MAP2K3: variants seen among roughly 807,000 people sequenced by gnomAD.
The protein encoded by MAP2K3 is dual specificity mitogen-activated protein kinase kinase 3.
Under a neutral mutation model 46.4 loss-of-function variants are expected in MAP2K3, and 30 were observed. The observed-to-expected ratio is 0.65, with a 90% CI of 0.48 to 0.88. The LOEUF is 0.88. MAP2K3 is among the 40% of genes least tolerant of loss of function. MAP2K3 has a pLI of 0.00. For synonymous variants in MAP2K3, 189 were observed against 176.3 expected, an observed-to-expected ratio of 1.07 and a Z score of -0.57; for missense variants, 380 against 464.5, an observed-to-expected ratio of 0.82 and a Z score of 1.67.
chr17:21,285,094 G>GA, intron 1 of MAP2K3, 125 bp downstream of exon 1: 1 of 1,385,114 alleles, frequency 7.2e-7, no homozygotes, highest in Non-Finnish European at 9.7e-7. Context: ...TCCGGTCCCG[G>GA]AACCCCTTCC....
At chr17:21,291,613 A>G (rs943791677) in intron 1 of MAP2K3, 3 of 456,266 alleles carry the variant, frequency 6.6e-6, no homozygotes, top group Non-Finnish European at 1.3e-5. Context: ...CTGCCCTGTC[A>G]TGGCCTCTTA....
chr17:21,295,257 A>G (rs1976174075), intron 1 of MAP2K3, among the ~76,000 whole-genome samples: 1 of 152,306 alleles, frequency 6.6e-6, no homozygotes, highest in Non-Finnish European at 1.5e-5. Context: ...TGCCACGGCC[A>G]GTGAGAGTTG....
chr17:21,301,108 G>A, intron 5 of MAP2K3, 115 bp downstream of exon 5: 2 of 1,557,922 alleles, frequency 1.3e-6, no homozygotes, highest in East Asian at 4.5e-5. Flanking sequence ...CTGGCATACT[G>A]GCAGGAGGCT....
chr17:21,295,849 G>C (rs1409124772), intron 1 of MAP2K3: 3 of 1,289,012 alleles, frequency 2.3e-6, no homozygotes, highest in Non-Finnish European at 3.0e-6. Context: ...TGGGTGGCAG[G>C]CTGGGGCCAG....
At chr17:21,300,767 T>G in intron 4 of MAP2K3, 107 bp from the exon 5 acceptor site, 1 of 1,609,118 alleles carries the variant, frequency 6.2e-7, no homozygotes, top group Non-Finnish European at 8.5e-7. Flanking sequence ...GGCTAGGCTT[T>G]TTGGGGCACA....
chr17:21,295,509 C>G, intron 1 of MAP2K3: 2 of 946,912 alleles, frequency 2.1e-6, no homozygotes, highest in Non-Finnish European at 2.5e-6. Flanking sequence ...TGCACCTGGG[C>G]AGCCCTGGGC....
chr17:21,294,371 G>A (rs1467632967), intron 1 of MAP2K3, among the ~76,000 whole-genome samples: 4 of 152,312 alleles, frequency 2.6e-5, no homozygotes, highest in African/African-American at 4.8e-5. Flanking sequence ...GCTCCTGCAT[G>A]TGGCATGGTG....
In MAP2K3 at chr17:21,314,181, A is replaced by G. The variant is rs1977297996; in HGVS notation, c.995A>G (p.Lys332Arg). The G allele has an allele frequency of 6.2e-7, 1 of 1,614,090 alleles. No individual in the cohort carries two copies. The highest frequency in any genetic ancestry group is 8.5e-7 in the Non-Finnish European group (1 of 1,179,978). ...HPFFTLHKTKKTDIAAFVKEI... is the reference protein window; with the variant it reads ...HPFFTLHKTKRTDIAAFVKEI... ...TTCTTCACCTTGCACAAAACCAAGA[A>G]GACGGACATTGCTGCCTTCGTGAAG... The change falls in exon 12 of 12, where the codon AAG (lysine) becomes AGG (arginine). Residue 332 changes from lysine (K) to arginine (R), a missense_variant. Physicochemically the swap from Lys to Arg is conservative, Grantham distance 26. Transcript: ENST00000342679.
At chr17:21,285,898 A>AT (rs1975709605) in intron 1 of MAP2K3, among the ~76,000 whole-genome samples, 7 of 133,580 alleles carry the variant, frequency 5.2e-5, no homozygotes, top group Admixed American at 4.5e-4. Flanking sequence ...GCAAAAGGGG[A>AT]ATTTTTTTTT....
chr17:21,291,800 G>A (rs547106758), intron 1 of MAP2K3: 251 of 357,736 alleles, frequency 7.0e-4, no homozygotes, highest in African/African-American at 5.1e-3. Context: ...ACTGAGGCCT[G>A]GTGGGATAGT....
chr17:21,312,241 G>T lies in MAP2K3; in HGVS notation c.874G>T (p.Asp292Tyr). 2 of 1,602,312 alleles carry T rather than the reference G, an allele frequency of 1.2e-6. No homozygotes were observed. The highest frequency in any genetic ancestry group is 3.5e-5 in the Admixed American group (2 of 57,298). ...VEEPSPQLPA[D>Y]RFSPEFVDFT... is the part of the protein sequence containing the mutation. ...GGAGCCGTCCCCCCAGCTCCCAGCC[G>T]ACCGTTTCTCCCCCGAGTTTGTGGA... The change falls in exon 10 of 12, where the codon GAC becomes TAC. Residue 292 changes from aspartate to tyrosine, a missense_variant. Transcript: ENST00000342679.
intron 1 of MAP2K3, chr17:21,291,516 C>G (rs1452439278): frequency 2.2e-6 from 1 of 456,412 alleles, no homozygotes; most frequent in African/African-American, 2.0e-5. Flanking sequence ...ACGTGGGGAC[C>G]TTTGGAGCAC....
chr17:21,298,274 G>A, intron 1 of MAP2K3, 139 bp from the exon 2 acceptor site: 1 of 1,262,156 alleles, frequency 7.9e-7, no homozygotes. Context: ...TAACGGCCTG[G>A]CTTGGAGAGA....
At chr17:21,312,480 T>A (rs1977212537) in intron 10 of MAP2K3, among the ~76,000 whole-genome samples, 199 bp downstream of exon 10, 1 of 151,914 alleles carries the variant, frequency 6.6e-6, no homozygotes, top group African/African-American at 2.4e-5. Flanking sequence ...TTAATACAGT[T>A]CTTCCAGAAG....
chr17:21,313,037 T>TA, intron 10 of MAP2K3, among the ~76,000 whole-genome samples: 1 of 152,238 alleles, frequency 6.6e-6, no homozygotes, highest in South Asian at 2.1e-4. Flanking sequence ...GTGCGGTGGC[T>TA]CACACCCATG....
intron 1 of MAP2K3, 112 bp downstream of exon 1, chr17:21,285,081 G>T: frequency 7.0e-7 from 1 of 1,432,996 alleles, no homozygotes. Flanking sequence ...CCTGGCAGCG[G>T]CGTCCGGTCC....
rs35769673 is a variant in MAP2K3 at position 21,301,004 on chromosome 17, G to C, written c.399+11G>C. 4 of 291,616 alleles carry C rather than the reference G, an allele frequency of 1.4e-5. No homozygotes were observed. The highest frequency in any genetic ancestry group is 4.1e-5 in the African/African-American group (1 of 24,490). 18.1% of individuals were successfully genotyped at this position (291,616 alleles called of 1,614,324 possible). ...GCACTATTCAGAGAGGTGCGTCCTT[G>C]CATGATGCAGCTGGGGATCTCCACC... On this transcript the variant is annotated intron_variant, in intron 5 of 11. Transcript: ENST00000342679.
intron 1 of MAP2K3, among the ~76,000 whole-genome samples, chr17:21,297,256 G>C (rs1338956270): frequency 6.6e-6 from 1 of 152,312 alleles, no homozygotes; most frequent in Non-Finnish European, 1.5e-5. Flanking sequence ...CTTGGAGGCG[G>C]CTTCAGAGAC....
intron 7 of MAP2K3, among the ~76,000 whole-genome samples, chr17:21,303,963 GTA>G (rs1976747228): frequency 2.0e-5 from 3 of 152,312 alleles, no homozygotes; most frequent in Admixed American, 6.5e-5. Flanking sequence ...ATGCGCATTT[GTA>G]TGGAGAATCC....
Sources: allele counts gnomAD v4.1 joint callset (sites outside exome capture counted in the v4.1 genomes callset), GRCh38; gene constraint gnomAD v4.1.1; transcripts MANE v1.5; gene names NCBI Gene and HGNC (gene_info 2026-07-23, HGNC 2026-07-21).